The following ST6GALNAC1 variants were observed in gnomAD, a reference collection of about 807,000 sequenced individuals.
ST6GALNAC1 encodes the protein ST6 N-acetylgalactosaminide alpha-2,6-sialyltransferase 1.
A neutral mutation model predicts 56.8 loss-of-function variants in ST6GALNAC1; 45 were observed. The observed-to-expected ratio is 0.79, with a 90% CI of 0.62 to 1.02. The LOEUF (loss-of-function observed/expected upper bound fraction) is 1.02, where lower values mean the gene tolerates loss of function less well. Among genes scored for constraint, ST6GALNAC1 ranks in the 50% least tolerant of loss-of-function variants. The pLI, the probability that ST6GALNAC1 is intolerant of heterozygous loss-of-function variation, is 0.00. For missense variants in ST6GALNAC1, 743 were observed against 754.8 expected (o/e 0.98, Z 0.18); for synonymous variants, 295 against 297.8 (o/e 0.99, Z 0.10).
At chr17:76,636,493 A>G (rs995391285) in intron 1 of ST6GALNAC1, among the ~76,000 whole-genome samples, 8 of 152,206 alleles carry the variant, frequency 5.3e-5, no homozygotes, top group Non-Finnish European at 5.9e-5. Context: ...GGAAAAAAAA[A>G]GAATCCTGAG....
chr17:76,626,914 C>G (rs2075808328), intron 4 of ST6GALNAC1, 125 bp from the exon 5 acceptor site: 1 of 1,483,848 alleles, frequency 6.7e-7, no homozygotes, highest in Non-Finnish European at 9.2e-7. Context: ...CTCGAGAGCC[C>G]AGGAATTCCA....
downstream of ST6GALNAC1, among the ~76,000 whole-genome samples, chr17:76,622,562 G>A (rs145309767): frequency 4.0e-3 from 603 of 151,862 alleles, 7 homozygotes; most frequent in African/African-American, 0.014. Context: ...ATGGGGTTTC[G>A]CCATGTTGGC....
In ST6GALNAC1 at chr17:76,627,957, C is replaced by T. The variant is rs1311000572; in HGVS notation, c.832-374G>A. Among the ~76,000 whole-genome samples, 7 of 151,938 alleles carry T rather than the reference C, an allele frequency of 4.6e-5. No individual in the cohort carries two copies. The highest frequency in any genetic ancestry group is 1.9e-4 in the East Asian group (1 of 5,172). On this transcript the variant is annotated intron_variant, in intron 2 of 8. Transcript: ENST00000156626. The surrounding 1 kb of genome is among the most constrained non-coding windows in gnomAD (Gnocchi z 4.4). ...CTAAAAATACAAAAAATTAGCCGGG[C>T]GTGGTGGCGGGCGCCTGTAGTTCCA... is the stretch of plus-strand genomic sequence containing the variant.
intron 1 of ST6GALNAC1, among the ~76,000 whole-genome samples, chr17:76,640,189 C>T (rs1449099878): frequency 1.3e-5 from 2 of 152,120 alleles, no homozygotes; most frequent in Non-Finnish European, 2.9e-5. Context: ...GGTAACTGGG[C>T]AGTTGAGGGT....
intron 1 of ST6GALNAC1, among the ~76,000 whole-genome samples, chr17:76,641,113 T>C (rs1161246459): frequency 2.0e-5 from 3 of 152,206 alleles, no homozygotes; most frequent in Non-Finnish European, 1.5e-5. Flanking sequence ...ATATTTTTCC[T>C]TGAAAAGTAA....
chr17:76,630,750 C>T (rs1567956934), intron 1 of ST6GALNAC1, among the ~76,000 whole-genome samples: 1 of 142,316 alleles, frequency 7.0e-6, no homozygotes, highest in South Asian at 2.2e-4. Context: ...ACGCCTGGCT[C>T]TTTTTTTTTT....
At position 76,625,383 on chromosome 17, in the gene ST6GALNAC1, TC is replaced by T; in HGVS notation, c.1749del (p.Ile584Ter). The T allele has an allele frequency of 6.2e-7, 1 of 1,614,150 alleles. No individual in the cohort carries two copies. The highest frequency in any genetic ancestry group is 8.5e-7 in the Non-Finnish European group (1 of 1,180,042). ...REVWKRLHDEGIIRLYQRPGP... is the reference protein window; with the variant it reads ...REVWKRLHDEXIIRLYQRPGP... Reference sequence around the variant, plus strand: ...CCAGGACGCTGGTACAGCCGGATTATCCCTTCATCGTGTAGCCGCTTCCAGA... The same window carrying T: ...CCAGGACGCTGGTACAGCCGGATTATCCTTCATCGTGTAGCCGCTTCCAGA... On this transcript the variant is annotated frameshift_variant, in exon 9 of 9. Transcript: ENST00000156626. LOFTEE classifies it low-confidence loss of function (END_TRUNC).
intron 1 of ST6GALNAC1, among the ~76,000 whole-genome samples, chr17:76,639,229 A>C (rs951764015): frequency 2.6e-5 from 4 of 152,300 alleles, no homozygotes; most frequent in Admixed American, 2.6e-4. Flanking sequence ...GCATTTATAA[A>C]GCACCTCCAC....
chr17:76,636,750 G>A (rs144477740), intron 1 of ST6GALNAC1, among the ~76,000 whole-genome samples: 9,216 of 152,136 alleles, frequency 0.061, 496 homozygotes, highest in African/African-American at 0.14. Context: ...CTGCCCGGCC[G>A]CCACCCCATC....
chr17:76,622,654 C>T (rs1016640695), downstream of ST6GALNAC1, among the ~76,000 whole-genome samples: 8 of 152,176 alleles, frequency 5.3e-5, no homozygotes, highest in Non-Finnish European at 1.0e-4. Context: ...TGAGCCACCG[C>T]GCCTGGCCCA....
intron 1 of ST6GALNAC1, among the ~76,000 whole-genome samples, chr17:76,642,976 T>C (rs544396025): frequency 2.3e-4 from 35 of 152,058 alleles, no homozygotes; most frequent in South Asian, 1.7e-3. Context: ...GTGTGTATTT[T>C]CTAAGAAAAA....
chr17:76,622,659 G>A (rs921986401), downstream of ST6GALNAC1, among the ~76,000 whole-genome samples: 2 of 152,146 alleles, frequency 1.3e-5, no homozygotes, highest in African/African-American at 2.4e-5. Flanking sequence ...CACCGCGCCT[G>A]GCCCATTTTA....
At chr17:76,628,268 C>CTCCTTCCT (rs1192343192) in intron 2 of ST6GALNAC1, among the ~76,000 whole-genome samples, 20 of 37,528 alleles carry the variant, frequency 5.3e-4, no homozygotes, top group South Asian at 5.0e-3. Context: ...CCCTCCCTCC[C>CTCCTTCCT]TCCTTCCTTC....
At chr17:76,620,042 C>T (rs1210641901), downstream of ST6GALNAC1, among the ~76,000 whole-genome samples, 1 of 148,238 alleles carries the variant, frequency 6.7e-6, no homozygotes, top group Non-Finnish European at 1.5e-5. Flanking sequence ...CTGTGCCCGG[C>T]CTTTTTAAAA....
In ST6GALNAC1 at chr17:76,626,807, A is replaced by C. The variant is rs1347930343; in HGVS notation, c.1173-18T>G. On this transcript the variant is annotated intron_variant, in intron 4 of 8. Transcript: ENST00000156626. Reference sequence around the variant, plus strand: ...CGCTCAATCTGTGCAGAAAGACACAATCAGACGGGACAGGTGAGCAGAGGA... The same window carrying C: ...CGCTCAATCTGTGCAGAAAGACACACTCAGACGGGACAGGTGAGCAGAGGA... 1 of 1,612,944 alleles carries C rather than the reference A, an allele frequency of 6.2e-7. No individual in the cohort carries two copies. The highest frequency in any genetic ancestry group is 8.5e-7 in the Non-Finnish European group (1 of 1,179,870).
At chr17:76,619,999 C>T (rs2075724989), downstream of ST6GALNAC1, among the ~76,000 whole-genome samples, 2 of 151,786 alleles carry the variant, frequency 1.3e-5, no homozygotes, top group African/African-American at 2.4e-5. Flanking sequence ...CTGCCTCGGC[C>T]TCCCAAAGTG....
At position 76,626,363 on chromosome 17, in the gene ST6GALNAC1, G is replaced by A. The variant is rs1598288918; in HGVS notation, c.1341C>T (p.Gly447=). The change falls in exon 6 of 9, where the codon GGC becomes GGT. Residue 447 remains glycine, a synonymous_variant. Transcript: ENST00000156626. ...KDVRYLHFLE[G]TRDYEWLEAL... is the part of the protein sequence containing the mutation. ...CTTCCAGCCACTCATAGTCCCGGGTGCCTTCCAGGAAGTGCAAGTAGCGGA... is the reference window on the plus strand; with the variant it reads ...CTTCCAGCCACTCATAGTCCCGGGTACCTTCCAGGAAGTGCAAGTAGCGGA... 1 of 1,614,178 alleles carries A rather than the reference G, an allele frequency of 6.2e-7. No individual in the cohort carries two copies. The highest frequency in any genetic ancestry group is 1.3e-5 in the African/African-American group (1 of 75,054).
intron 6 of ST6GALNAC1, 29 bp from the exon 7 acceptor site, chr17:76,626,124 C>T: frequency 1.2e-6 from 2 of 1,610,222 alleles, no homozygotes; most frequent in Non-Finnish European, 1.7e-6. Context: ...CATTCAGACT[C>T]AGCTCCCTTA....
At chr17:76,618,249 GT>G in the ST6GALNAC1 span, among the ~76,000 whole-genome samples, 2 of 152,168 alleles carry the variant, frequency 1.3e-5, no homozygotes, top group African/African-American at 4.8e-5. Context: ...TTCTTCTTAT[GT>G]TTGTAGAGAA....
Sources: gnomAD v4.1 joint callset for allele counts (sites outside exome capture counted in the v4.1 genomes callset) on GRCh38, gnomAD v4.1.1 for gene constraint, Gnocchi (gnomAD v3.1) non-coding constraint, MANE v1.5 for transcripts, NCBI Gene and HGNC (gene_info 2026-07-23, HGNC 2026-07-21) for gene names.